LRRD1: variants seen among roughly 807,000 people sequenced by gnomAD.
LRRD1 encodes the protein leucine rich repeats and death domain containing 1, also known as leucine-rich repeat and death domain-containing protein 1.
In LRRD1, 49 loss-of-function variants were observed where a neutral mutation model predicts 69.5. That is an observed-to-expected ratio of 0.70 (90% confidence interval 0.56 to 0.89). LRRD1 has a LOEUF of 0.89. LRRD1 is among the 40% of genes least tolerant of loss of function. The pLI, the probability that LRRD1 is intolerant of heterozygous loss-of-function variation, is 0.00. For synonymous variants in LRRD1, 303 were observed against 338.9 expected (o/e 0.89, Z 1.16); for missense variants, 853 against 956.0 (o/e 0.89, Z 1.42).
At chr7:92,152,715 C>A (rs994976929) in intron 3 of LRRD1, among the ~76,000 whole-genome samples, 2 of 150,434 alleles carry the variant, frequency 1.3e-5, no homozygotes, top group Non-Finnish European at 3.0e-5. Flanking sequence ...CTGTTGCCCA[C>A]GCTGGAGTGC....
chr7:92,163,196 A>C (rs575132996), intron 2 of LRRD1, 90 bp downstream of exon 2: 2 of 797,214 alleles, frequency 2.5e-6, no homozygotes, highest in African/African-American at 3.6e-5. Flanking sequence ...CTTAAAACAC[A>C]CATACGGTAC....
chr7:92,167,231 G>A (rs908488311), intron 1 of LRRD1, among the ~76,000 whole-genome samples: 1 of 151,848 alleles, frequency 6.6e-6, no homozygotes, highest in Non-Finnish European at 1.5e-5. Flanking sequence ...GAGTAGCTGG[G>A]ACTACAGGCG....
At position 92,145,083 on chromosome 7, in the gene LRRD1, C is replaced by CATTATTAAT; in HGVS notation, c.2397-18_2397-10dup. On this transcript the variant is annotated splice_polypyrimidine_tract_variant and intron_variant, in intron 5 of 5. Coordinates refer to ENST00000458448, the MANE Select transcript of LRRD1 (RefSeq NM_001161528.2). ...CACTTAATGAAACAGTGCTGAAAAA[C>CATTATTAAT]ATTATTAATAATATTAATAGTTAAA... 53 of 1,335,630 alleles carry CATTATTAAT rather than the reference C, an allele frequency of 4.0e-5. No individual in the cohort carries two copies. The highest frequency in any genetic ancestry group is 4.9e-5 in the Non-Finnish European group (50 of 1,016,440). The allele number at this position is 1,335,630 out of a possible 1,614,324, so 82.7% of individuals were successfully genotyped here.
intron 5 of LRRD1, among the ~76,000 whole-genome samples, 188 bp from the exon 6 acceptor site, chr7:92,145,262 C>T (rs1000705297): frequency 1.3e-5 from 2 of 152,016 alleles, no homozygotes; most frequent in Non-Finnish European, 2.9e-5. Context: ...TGAAGAGAAT[C>T]TCTATAAAAA....
chr7:92,143,253 CAT>C (rs1472726283), downstream of LRRD1, among the ~76,000 whole-genome samples: 1 of 152,182 alleles, frequency 6.6e-6, no homozygotes, highest in Non-Finnish European at 1.5e-5. Context: ...CCTAGCTAGA[CAT>C]AAAGGTTCTC....
intron 2 of LRRD1, among the ~76,000 whole-genome samples, chr7:92,159,778 C>A (rs767941117): frequency 1.3e-5 from 2 of 151,950 alleles, no homozygotes; most frequent in Admixed American, 1.3e-4. Context: ...CCCAGCACCA[C>A]GCCCAGCTAA....
intron 1 of LRRD1, among the ~76,000 whole-genome samples, chr7:92,176,963 A>ATAT (rs1554484104): frequency 7.4e-5 from 11 of 148,528 alleles, no homozygotes; most frequent in Non-Finnish European, 1.3e-4. Context: ...TATATATATA[A>ATAT]AACAAGAATA....
chr7:92,166,061 G>A lies in LRRD1; in HGVS notation c.-74-785C>T, dbSNP rs1326664206. ...TTAAGGAAGGGTACGCTTTCTGTAA[G>A]AGTAAACTAGACATCAAATAGTCCT... is the stretch of plus-strand genomic sequence containing the variant. On this transcript the variant is annotated intron_variant, in intron 1 of 5. Coordinates refer to ENST00000458448, the MANE Select transcript of LRRD1 (RefSeq NM_001161528.2). 2.0e-5 allele frequency among the ~76,000 whole-genome samples: 3 copies of A among 152,280 alleles called. No individual in the cohort carries two copies. In the East Asian group the frequency reaches 5.8e-4, roughly 29 times the overall value.
intron 1 of LRRD1, among the ~76,000 whole-genome samples, chr7:92,165,954 A>T (rs2131011526): frequency 6.6e-6 from 1 of 151,856 alleles, no homozygotes; most frequent in Admixed American, 6.6e-5. Flanking sequence ...GTGAACATGG[A>T]TGTTTACATA....
intron 2 of LRRD1, among the ~76,000 whole-genome samples, chr7:92,160,450 T>G (rs1468961640): frequency 6.6e-6 from 1 of 152,156 alleles, no homozygotes; most frequent in Non-Finnish European, 1.5e-5. Flanking sequence ...AATGAAAGTT[T>G]AGAAAAGGTA....
chr7:92,142,339 A>G (rs1374637274), downstream of LRRD1: 2 of 403,618 alleles, frequency 5.0e-6, no homozygotes, highest in Admixed American at 3.1e-5. Flanking sequence ...TAAAAAGTGC[A>G]GAAGTATGGG....
chr7:92,164,579 C>T lies in LRRD1; in HGVS notation c.624G>A (p.Gln208=), dbSNP rs754850679. ...TTAATATCCTTAAATTATGAAGTAA[C>T]TGAATTTCAGATGGAAGTGATGATA... ...NGLSSLPSEI[Q]LLHNLRILNV... is the part of the protein sequence containing the mutation. Residue 208 remains glutamine (Q), a synonymous_variant, in exon 2 of 6, where the codon CAG becomes CAA. Transcript: ENST00000458448. The T allele has an allele frequency of 6.4e-7, 1 of 1,551,126 alleles. No homozygotes were observed. Among genetic ancestry groups the T allele is most frequent in the South Asian group, 1.2e-5 (1 of 84,020 alleles).
At chr7:92,145,164 A>C in intron 5 of LRRD1, 90 bp from the exon 6 acceptor site, 2 of 717,788 alleles carry the variant, frequency 2.8e-6, no homozygotes, top group Non-Finnish European at 1.9e-6. Flanking sequence ...ATTGTCAATT[A>C]AGAACATTGC....
At chr7:92,143,042 T>G (rs1012249257), downstream of LRRD1, 5 of 210,442 alleles carry the variant, frequency 2.4e-5, no homozygotes, top group East Asian at 2.7e-4. Context: ...AGAGCCCGAG[T>G]GGTCTATTTT....
intron 3 of LRRD1, among the ~76,000 whole-genome samples, chr7:92,156,012 T>G (rs1200653441): frequency 1.3e-5 from 2 of 152,176 alleles, no homozygotes; most frequent in African/African-American, 4.8e-5. Flanking sequence ...CCTCTCCCAG[T>G]CCACTGACTC....
downstream of LRRD1, chr7:92,141,792 A>G (rs1820152738): frequency 6.6e-6 from 1 of 152,238 alleles, no homozygotes; most frequent in Non-Finnish European, 1.5e-5. Flanking sequence ...TTAGAGACAC[A>G]GGCTGTATAG....
At chr7:92,152,772 G>T (rs1820505788) in intron 3 of LRRD1, among the ~76,000 whole-genome samples, 1 of 151,584 alleles carries the variant, frequency 6.6e-6, no homozygotes, top group South Asian at 2.1e-4. Flanking sequence ...CCGGGTTCAA[G>T]CAATTCTTCT....
At chr7:92,150,757 T>C in intron 3 of LRRD1, 62 bp from the exon 4 acceptor site, 1 of 1,214,704 alleles carries the variant, frequency 8.2e-7, no homozygotes, top group Non-Finnish European at 1.1e-6. Flanking sequence ...TGGAGACAAA[T>C]AACATCTGTT....
At chr7:92,145,675 G>A (rs936456834) in intron 5 of LRRD1, among the ~76,000 whole-genome samples, 11 of 151,938 alleles carry the variant, frequency 7.2e-5, no homozygotes, top group South Asian at 2.1e-4. Flanking sequence ...TCCTAACCTC[G>A]TGATCCACCC....
Sources: gnomAD v4.1 joint callset for allele counts (sites outside exome capture counted in the v4.1 genomes callset) on GRCh38, gnomAD v4.1.1 for gene constraint, MANE v1.5 for transcripts, NCBI Gene and HGNC (gene_info 2026-07-23, HGNC 2026-07-21) for gene names.